PSD3: variants seen among roughly 807,000 people sequenced by gnomAD.
PSD3 encodes PH and SEC7 domain-containing protein 3.
PSD3 carries 49 observed loss-of-function variants against 105.5 expected under a neutral mutation model. The observed-to-expected ratio is 0.46, with a 90% CI of 0.37 to 0.59. The LOEUF (loss-of-function observed/expected upper bound fraction) is 0.59, where lower values mean the gene tolerates loss of function less well. Ranked by LOEUF, PSD3 falls within the 20% of genes least tolerant of loss-of-function variation. The pLI is 0.00. For missense variants in PSD3, 1,561 were observed against 1,263.8 expected, an observed-to-expected ratio of 1.24 and a Z score of -3.57; for synonymous variants, 557 against 457.8, an observed-to-expected ratio of 1.22 and a Z score of -2.77.
intron 14 of PSD3, among the ~76,000 whole-genome samples, chr8:18,563,575 T>C (rs936869017): frequency 3.3e-5 from 5 of 152,206 alleles, no homozygotes; most frequent in Non-Finnish European, 5.9e-5. Context: ...AAAAGATTGT[T>C]TCATAATTTC....
intron 1 of PSD3, among the ~76,000 whole-genome samples, chr8:18,937,185 G>C (rs567589721): frequency 1.2e-4 from 18 of 152,252 alleles, no homozygotes; most frequent in Middle Eastern, 3.4e-3. Context: ...TTAAAAACAA[G>C]TAGCAAGGAA....
At chr8:18,637,887 G>A (rs1807382913) in intron 10 of PSD3, among the ~76,000 whole-genome samples, 1 of 152,106 alleles carries the variant, frequency 6.6e-6, no homozygotes, top group Non-Finnish European at 1.5e-5. Context: ...GCCCAGCATG[G>A]TGGCTCATGC....
At chr8:18,674,900 T>C (rs1398276026) in intron 9 of PSD3, among the ~76,000 whole-genome samples, 1 of 151,944 alleles carries the variant, frequency 6.6e-6, no homozygotes, top group African/African-American at 2.4e-5. Context: ...ACTCAGGAAG[T>C]GGAGGCATGA....
intron 4 of PSD3, among the ~76,000 whole-genome samples, chr8:18,829,027 G>A (rs67434227): frequency 0.25 from 37,514 of 152,052 alleles, 4,920 homozygotes; most frequent in Admixed American, 0.36. Context: ...AACAGAGGTT[G>A]CTGCTACTGC....
intron 9 of PSD3, among the ~76,000 whole-genome samples, chr8:18,742,161 T>C (rs1422344522): frequency 2.0e-5 from 3 of 152,252 alleles, no homozygotes; most frequent in African/African-American, 2.4e-5. Flanking sequence ...TCACCTTTTG[T>C]TCTAATTTCT....
chr8:19,016,215 A>G (rs1380204777), upstream of PSD3, among the ~76,000 whole-genome samples: 1 of 152,170 alleles, frequency 6.6e-6, no homozygotes, highest in Non-Finnish European at 1.5e-5. Context: ...CCGCCTTGGT[A>G]AAAAAAGAAA....
intron 4 of PSD3, among the ~76,000 whole-genome samples, chr8:18,814,163 C>G (rs1212340091): frequency 6.6e-6 from 1 of 152,326 alleles, no homozygotes; most frequent in Middle Eastern, 3.4e-3. Flanking sequence ...TTCCTAAGAG[C>G]TATTTCTCTG....
chr8:18,668,977 T>A (rs78156521), intron 9 of PSD3, among the ~76,000 whole-genome samples: 2 of 152,206 alleles, frequency 1.3e-5, no homozygotes, highest in African/African-American at 4.8e-5. Flanking sequence ...ATATCCATCA[T>A]CCTAAGTTCA....
chr8:18,970,837 A>ACCAACTACTTGGGAGGCTGTAGTC (rs1450281598), intron 1 of PSD3, among the ~76,000 whole-genome samples: 3 of 151,860 alleles, frequency 2.0e-5, no homozygotes, highest in Non-Finnish European at 4.4e-5. Context: ...CACCTGTAGT[A>ACCAACTACTTGGGAGGCTGTAGTC]CCAACTACTT....
At chr8:18,927,807 A>G (rs1025834769) in intron 2 of PSD3, among the ~76,000 whole-genome samples, 5 of 152,202 alleles carry the variant, frequency 3.3e-5, no homozygotes, top group Non-Finnish European at 5.9e-5. Context: ...CATTGCGGAC[A>G]TTCTAAGGAT....
At chr8:18,831,604 C>A (rs1447819992) in intron 4 of PSD3, among the ~76,000 whole-genome samples, 1 of 152,266 alleles carries the variant, frequency 6.6e-6, no homozygotes, top group South Asian at 2.1e-4. Context: ...CGCCTATAGT[C>A]CCAGCTAGTC....
intron 1 of PSD3, among the ~76,000 whole-genome samples, chr8:19,022,373 C>T (rs2129475919): frequency 6.6e-6 from 1 of 152,274 alleles, no homozygotes; most frequent in South Asian, 2.1e-4. Context: ...TGAGCCTTGC[C>T]CTCTCTCACC....
At chr8:18,806,159 A>G (rs923163167) in intron 4 of PSD3, among the ~76,000 whole-genome samples, 1 of 152,176 alleles carries the variant, frequency 6.6e-6, no homozygotes, top group Non-Finnish European at 1.5e-5. Flanking sequence ...ACTGGCCTAT[A>G]TTTTTATTTT....
rs57046795 is a variant in PSD3, at chr8:18,703,982, A to G, written c.2173-48297T>C. On this transcript the variant is annotated intron_variant, in intron 9 of 15. Coordinates refer to ENST00000327040, the MANE Select transcript of PSD3 (RefSeq NM_015310.4). ...AAAGCAGCTGATCCACGAAAAAGGGAAAAAAAAGAAAAAAGGAACTTCCTG... is the reference window on the plus strand; with the variant it reads ...AAAGCAGCTGATCCACGAAAAAGGGGAAAAAAAGAAAAAAGGAACTTCCTG... Among the ~76,000 whole-genome samples, 854 of 152,026 alleles carry G rather than the reference A, an allele frequency of 5.6e-3. 10 individuals are homozygous for G. The highest frequency in any genetic ancestry group is 0.019 in the African/African-American group (786 of 41,488).
chr8:18,536,171 T>C (rs968905554), intron 15 of PSD3, among the ~76,000 whole-genome samples: 6 of 152,212 alleles, frequency 3.9e-5, no homozygotes, highest in African/African-American at 1.4e-4. Flanking sequence ...GTTAGAATTT[T>C]AGTTCTCATT....
At chr8:18,952,478 G>A (rs1823302477) in intron 1 of PSD3, among the ~76,000 whole-genome samples, 1 of 152,194 alleles carries the variant, frequency 6.6e-6, no homozygotes, top group Admixed American at 6.5e-5. Flanking sequence ...ACACATGATA[G>A]TAAAATCTGG....
At chr8:18,740,940 G>A (rs1302911767) in intron 9 of PSD3, among the ~76,000 whole-genome samples, 1 of 152,132 alleles carries the variant, frequency 6.6e-6, no homozygotes, top group African/African-American at 2.4e-5. Context: ...TAACCTGGGT[G>A]CCTCCCTGAG....
At chr8:18,994,009 G>A (rs1409613725) in intron 1 of PSD3, among the ~76,000 whole-genome samples, 1 of 151,978 alleles carries the variant, frequency 6.6e-6, no homozygotes, top group East Asian at 1.9e-4. Context: ...GCACAGAGTT[G>A]AAGGGAGTGA....
chr8:18,708,560 A>G (rs1235718988), intron 9 of PSD3, among the ~76,000 whole-genome samples: 1 of 152,188 alleles, frequency 6.6e-6, no homozygotes, highest in African/African-American at 2.4e-5. Flanking sequence ...TTTTTCCAAA[A>G]GTTTTTACTC....
Sources: allele counts gnomAD v4.1 joint callset (sites outside exome capture counted in the v4.1 genomes callset), GRCh38; gene constraint gnomAD v4.1.1; transcripts MANE v1.5; gene names NCBI Gene and HGNC (gene_info 2026-07-23, HGNC 2026-07-21).